The following EVI5 variants were observed in gnomAD, a reference collection of about 807,000 sequenced individuals.
The protein encoded by EVI5 is ecotropic viral integration site 5 protein homolog.
In EVI5, 73 loss-of-function variants were observed where a neutral mutation model predicts 112.0. The observed-to-expected ratio is 0.65, with a 90% CI of 0.54 to 0.79. The LOEUF is 0.79. EVI5 is among the 30% of genes least tolerant of loss of function. The pLI is 0.00. For synonymous variants in EVI5, 305 were observed against 319.9 expected (o/e 0.95, Z 0.50); for missense variants, 900 against 968.8 (o/e 0.93, Z 0.94).
At chr1:92,695,245 C>T in intron 7 of EVI5, 65 bp downstream of exon 7, 1 of 1,383,434 alleles carries the variant, frequency 7.2e-7, no homozygotes. Context: ...TCCTCATTGC[C>T]CTGCTCTCAC....
At chr1:92,599,921 T>G (rs1648754273) in intron 18 of EVI5, among the ~76,000 whole-genome samples, 1 of 152,166 alleles carries the variant, frequency 6.6e-6, no homozygotes. Context: ...TGATTGGTAT[T>G]TAAAAGGTAG....
intron 18 of EVI5, among the ~76,000 whole-genome samples, chr1:92,578,384 G>C (rs1284447953): frequency 6.6e-6 from 1 of 151,992 alleles, no homozygotes; most frequent in Non-Finnish European, 1.5e-5. Flanking sequence ...TATCCTCATA[G>C]GTGGCTTGAA....
At chr1:92,548,534 T>C (rs546180816) in intron 19 of EVI5, among the ~76,000 whole-genome samples, 1 of 152,142 alleles carries the variant, frequency 6.6e-6, no homozygotes, top group Admixed American at 6.5e-5. Context: ...GGTATTCAAT[T>C]AGGAAAAGAG....
rs766624318 is a variant in EVI5, at chr1:92,542,186, C to T, written c.2166+21456G>A. The stretch of plus-strand genomic sequence containing the variant: ...GCCACTGCTTTATCAACTAAGTTTA[C>T]GGAATATTCTAAATCCTTTGTTGCC... On this transcript the variant is annotated intron_variant, in intron 19 of 19. Transcript: ENST00000684568. Among the ~76,000 whole-genome samples, 19 of 152,272 alleles carry T rather than the reference C, an allele frequency of 1.2e-4. No homozygotes were observed. The South Asian group carries it at 1.9e-3, about 15-fold the overall frequency.
intron 1 of EVI5, among the ~76,000 whole-genome samples, chr1:92,746,580 G>A (rs915815460): frequency 1.3e-5 from 2 of 152,046 alleles, no homozygotes; most frequent in Non-Finnish European, 2.9e-5. Context: ...ACAAAAATTA[G>A]CCGGGTGTAG....
chr1:92,754,913 T>C (rs1386928419), intron 1 of EVI5, among the ~76,000 whole-genome samples: 3 of 152,102 alleles, frequency 2.0e-5, no homozygotes, highest in Admixed American at 1.3e-4. Flanking sequence ...ACACACAAAG[T>C]TGGGCAATAA....
rs1029936780 is a variant in EVI5, at chr1:92,554,052, T to C, written c.2166+9590A>G. 5.9e-5 allele frequency among the ~76,000 whole-genome samples: 9 copies of C among 152,292 alleles called. 1 individual carries two copies. The highest frequency in any genetic ancestry group is 3.9e-4 in the Admixed American group (6 of 15,296). On this transcript the variant is annotated intron_variant, in intron 19 of 19. Coordinates refer to ENST00000684568, the MANE Select transcript of EVI5 (RefSeq NM_001350197.2). ...AAAACTGCCTGTTTTCAGAAAGTCA[T>C]CAAATATTTAAAAGCTACAATGCTA...
chr1:92,592,544 G>A (rs1008494824), intron 18 of EVI5, among the ~76,000 whole-genome samples: 1 of 152,114 alleles, frequency 6.6e-6, no homozygotes, highest in East Asian at 1.9e-4. Context: ...TCAAAAACTA[G>A]CAGAAGGCAA....
At chr1:92,771,853 C>T (rs7552085) in intron 1 of EVI5, among the ~76,000 whole-genome samples, 139,464 of 151,738 alleles carry the variant, frequency 0.92, 64,224 homozygotes, top group East Asian at 0.97. Context: ...TACTAGAATA[C>T]TCTTTTTATT....
chr1:92,744,662 G>A (rs1679003358), intron 1 of EVI5, among the ~76,000 whole-genome samples: 1 of 150,690 alleles, frequency 6.6e-6, no homozygotes, highest in South Asian at 2.1e-4. Flanking sequence ...CGGCAGACTT[G>A]AAGACAATCT....
intron 1 of EVI5, among the ~76,000 whole-genome samples, chr1:92,739,371 G>A (rs1009536056): frequency 6.0e-5 from 9 of 150,400 alleles, no homozygotes; most frequent in African/African-American, 2.2e-4. Context: ...CATATTGTAT[G>A]ATTCCATTTA....
intron 1 of EVI5, among the ~76,000 whole-genome samples, chr1:92,738,139 A>G (rs954908034): frequency 6.6e-6 from 1 of 152,212 alleles, no homozygotes; most frequent in Admixed American, 6.5e-5. Flanking sequence ...TCAGGGCAAA[A>G]GGCCGTATAG....
intron 10 of EVI5, among the ~76,000 whole-genome samples, chr1:92,674,302 T>C (rs553954152): frequency 1.3e-5 from 2 of 152,214 alleles, no homozygotes; most frequent in South Asian, 2.1e-4. Flanking sequence ...CCATCAATGA[T>C]AGACTGGATA....
At chr1:92,690,957 T>C (rs1309425391) in intron 9 of EVI5, among the ~76,000 whole-genome samples, 3 of 152,152 alleles carry the variant, frequency 2.0e-5, no homozygotes, top group Non-Finnish European at 4.4e-5. Context: ...TCCCAGTTTA[T>C]AGAAAACACA....
chr1:92,697,886 T>TACAAAGGCCCAA lies in EVI5; in HGVS notation c.727_738dup (p.Leu243_Cys246dup). 1 of 1,613,158 alleles carries TACAAAGGCCCAA rather than the reference T, an allele frequency of 6.2e-7. No homozygotes were observed. Among genetic ancestry groups the TACAAAGGCCCAA allele is most frequent in the South Asian group, 1.1e-5 (1 of 91,050 alleles). ...TGTATCATACATTCAAACTGGTACA[T>TACAAAGGCCCAA]ACAAAGGCCCAATTCTGCCATACTT... On this transcript the variant is annotated inframe_insertion, in exon 6 of 20. Coordinates refer to ENST00000684568, the MANE Select transcript of EVI5 (RefSeq NM_001350197.2).
intron 13 of EVI5, among the ~76,000 whole-genome samples, chr1:92,648,156 C>CT (rs1373672482): frequency 7.5e-6 from 1 of 132,642 alleles, no homozygotes; most frequent in Non-Finnish European, 1.6e-5. Flanking sequence ...ACCATCCTGG[C>CT]TAACACGGTG....
chr1:92,569,641 G>A (rs1037111360), intron 18 of EVI5, among the ~76,000 whole-genome samples: 1 of 151,900 alleles, frequency 6.6e-6, no homozygotes, highest in Non-Finnish European at 1.5e-5. Context: ...GGATCACGAG[G>A]TCAAGAGATC....
chr1:92,689,696 T>G (rs1167652040), intron 9 of EVI5, among the ~76,000 whole-genome samples: 1 of 152,148 alleles, frequency 6.6e-6, no homozygotes, highest in Non-Finnish European at 1.5e-5. Flanking sequence ...ACTGCCGGGT[T>G]AGACTATAGA....
chr1:92,683,498 C>A (rs528295589), intron 9 of EVI5, among the ~76,000 whole-genome samples: 1 of 152,160 alleles, frequency 6.6e-6, no homozygotes. Flanking sequence ...AGCACCTCTT[C>A]GCCTCCAAAG....
Sources: allele counts gnomAD v4.1 joint callset (sites outside exome capture counted in the v4.1 genomes callset), GRCh38; gene constraint gnomAD v4.1.1; transcripts MANE v1.5; gene names NCBI Gene and HGNC (gene_info 2026-07-23, HGNC 2026-07-21).